The following TRIM5 variants were observed in gnomAD, a reference collection of about 807,000 sequenced individuals.
TRIM5 encodes tripartite motif containing 5.
TRIM5 carries 31 observed loss-of-function variants against 35.6 expected under a neutral mutation model. The observed-to-expected ratio is 0.87, with a 90% CI of 0.65 to 1.18. The LOEUF is 1.18. TRIM5 is among the 50% of genes most tolerant of loss of function. The pLI is 0.00. For synonymous variants in TRIM5, 243 were observed against 215.6 expected (o/e 1.13, Z -1.11); for missense variants, 609 against 591.6 (o/e 1.03, Z -0.31).
chr11:5,645,165 G>A, the TRIM5 span, among the ~76,000 whole-genome samples: 1 of 152,198 alleles, frequency 6.6e-6, no homozygotes, highest in African/African-American at 2.4e-5. Flanking sequence ...GCCGAGAAGA[G>A]AGGATCACGT....
chr11:5,678,306 A>T lies in TRIM5; in HGVS notation c.642T>A (p.Leu214=), dbSNP rs149979709. The T allele has an allele frequency of 8.1e-6, 13 of 1,614,146 alleles. 1 individual carries two copies. The Admixed American group carries it at 1.7e-4, about 21-fold the overall frequency. Residue 214 remains leucine (L), a synonymous_variant, in exon 4 of 8, where the codon CTT becomes CTA. Coordinates refer to ENST00000380034, the MANE Select transcript of TRIM5 (RefSeq NM_033034.3). Reference sequence around the variant, plus strand: ...GCACCATCTCAGTTTCAGAGTTCGTAAGGCTTTTCAGAATGTCTTCCTCCT... The same window carrying T: ...GCACCATCTCAGTTTCAGAGTTCGTTAGGCTTTTCAGAATGTCTTCCTCCT... ...EKEEEDILKS[L]TNSETEMVQQ... is the part of the protein sequence containing the mutation.
At chr11:5,616,253 A>C in the TRIM5 span, among the ~76,000 whole-genome samples, 4 of 121,792 alleles carry the variant, frequency 3.3e-5, 1 homozygote, top group Non-Finnish European at 7.3e-5. Flanking sequence ...GCCCGGCCTC[A>C]TCTTTTTACT....
chr11:5,597,851 G>A, the TRIM5 span, among the ~76,000 whole-genome samples: 2 of 152,072 alleles, frequency 1.3e-5, no homozygotes, highest in Non-Finnish European at 2.9e-5. Flanking sequence ...GTATCCACCT[G>A]GGAAAGAAGG....
chr11:5,665,070 T>A lies in TRIM5; in HGVS notation c.1221A>T (p.Gly407=), dbSNP rs1207134913. 1.9e-6 allele frequency: 3 copies of A among 1,613,988 alleles called. No individual in the cohort carries two copies. ...YGYWVIGLEE[G]VKCSAFQDSS... ...TATCCTGGAAAGCACTACATTTAAC[T>A]CCTTCCTCTAACCCTATAACCCAGT... The change falls in exon 8 of 8, where the codon GGA becomes GGT. Residue 407 remains glycine (G), a synonymous_variant. Transcript: ENST00000380034.
chr11:5,656,093 G>A, the TRIM5 span, among the ~76,000 whole-genome samples: 2 of 152,088 alleles, frequency 1.3e-5, no homozygotes, highest in Non-Finnish European at 2.9e-5. Flanking sequence ...CATAGGCATG[G>A]GCAAAGACTT....
At chr11:5,657,092 A>G in the TRIM5 span, among the ~76,000 whole-genome samples, 4 of 152,250 alleles carry the variant, frequency 2.6e-5, no homozygotes, top group Non-Finnish European at 5.9e-5. Flanking sequence ...CTGGATAAAG[A>G]AAATGTGGCA....
At chr11:5,652,852 CTTTT>C in the TRIM5 span, among the ~76,000 whole-genome samples, 3 of 143,656 alleles carry the variant, frequency 2.1e-5, no homozygotes, top group Non-Finnish European at 1.5e-5. Flanking sequence ...TTTTCTTTTT[CTTTT>C]TTTTTTTTTT....
chr11:5,675,973 T>A (rs911659986), intron 4 of TRIM5, among the ~76,000 whole-genome samples: 3 of 125,620 alleles, frequency 2.4e-5, no homozygotes, highest in Admixed American at 1.6e-4. Context: ...GTTCTTGCGA[T>A]AGTTTACTGA....
At chr11:5,673,081 C>T (rs1851692151) in intron 4 of TRIM5, among the ~76,000 whole-genome samples, 1 of 151,914 alleles carries the variant, frequency 6.6e-6, no homozygotes, top group Admixed American at 6.6e-5. Context: ...AAAACTATAT[C>T]AATAATTGCA....
the TRIM5 span, among the ~76,000 whole-genome samples, chr11:5,602,293 A>T: frequency 6.6e-6 from 1 of 152,026 alleles, no homozygotes; most frequent in Non-Finnish European, 1.5e-5. Context: ...TACAAAAAAA[A>T]TTAGCCGGAC....
the TRIM5 span, among the ~76,000 whole-genome samples, chr11:5,593,941 C>A: frequency 1.4e-4 from 22 of 152,302 alleles, no homozygotes; most frequent in African/African-American, 4.8e-4. Flanking sequence ...TAACAGTATT[C>A]CACTGTATTG....
chr11:5,679,943 T>G lies in TRIM5; in HGVS notation c.235A>C (p.Lys79Gln), dbSNP rs750344194. 5.0e-6 allele frequency: 8 copies of G among 1,614,124 alleles called. No homozygotes were observed. The highest frequency in any genetic ancestry group is 5.9e-6 in the Non-Finnish European group (7 of 1,180,016). Residue 79 changes from lysine to glutamine, a missense_variant, in exon 2 of 8, where the codon AAG (lysine) becomes CAG (glutamine). Transcript: ENST00000380034. ...PNRHVANIVE[K>Q]LREVKLSPEG... ...GGGCTCAACTTGACCTCCCTGAGCT[T>G]CTCCACTATGTTGGCTACATGCCGA...
the TRIM5 span, among the ~76,000 whole-genome samples, chr11:5,627,666 C>T: frequency 1.3e-5 from 2 of 152,112 alleles, no homozygotes; most frequent in South Asian, 4.2e-4. Context: ...GGGCCCTGGA[C>T]TCTAAGGAGT....
chr11:5,638,403 C>T, the TRIM5 span, among the ~76,000 whole-genome samples: 1 of 152,180 alleles, frequency 6.6e-6, no homozygotes, highest in Non-Finnish European at 1.5e-5. Flanking sequence ...TTACTTTCTT[C>T]CCAGTTAAGG....
At chr11:5,644,349 G>A in the TRIM5 span, 272 of 398,066 alleles carry the variant, frequency 6.8e-4, 2 homozygotes, top group African/African-American at 5.2e-3. Flanking sequence ...GTAATGCATC[G>A]ATTTAGTGTC....
At chr11:5,603,822 GTAGTCTTTAT>G in the TRIM5 span, 1 of 1,511,048 alleles carries the variant, frequency 6.6e-7, no homozygotes, top group Non-Finnish European at 8.8e-7. Flanking sequence ...TAATCTCTTT[GTAGTCTTTAT>G]TTACCTAGAG....
At chr11:5,626,312 T>C in the TRIM5 span, among the ~76,000 whole-genome samples, 1 of 152,168 alleles carries the variant, frequency 6.6e-6, no homozygotes, top group African/African-American at 2.4e-5. Context: ...ATAGACCATA[T>C]CGATGAATGT....
downstream of TRIM5, among the ~76,000 whole-genome samples, chr11:5,658,904 A>G (rs1386790753): frequency 6.6e-6 from 1 of 152,176 alleles, no homozygotes; most frequent in Non-Finnish European, 1.5e-5. Flanking sequence ...TCACAAGGAC[A>G]GAAAACCAAA....
chr11:5,656,680 C>T, the TRIM5 span, among the ~76,000 whole-genome samples: 2 of 152,010 alleles, frequency 1.3e-5, no homozygotes, highest in East Asian at 3.9e-4. Flanking sequence ...TAAAAGAAGA[C>T]ATTTATGCGG....
Sources: gnomAD v4.1 joint callset for allele counts (sites outside exome capture counted in the v4.1 genomes callset) on GRCh38, gnomAD v4.1.1 for gene constraint, MANE v1.5 for transcripts, NCBI Gene and HGNC (gene_info 2026-07-23, HGNC 2026-07-21) for gene names.